Variants in PPP2R3A observed in about 807,000 individuals in gnomAD.
The protein encoded by PPP2R3A is protein phosphatase 2 regulatory subunit B''alpha.
PPP2R3A carries 80 observed loss-of-function variants against 106.9 expected under a neutral mutation model. The ratio of observed to expected loss-of-function variants is 0.75; its 90% CI spans 0.62 to 0.90. PPP2R3A has a LOEUF of 0.90. Among genes scored for constraint, PPP2R3A ranks in the 40% least tolerant of loss-of-function variants. PPP2R3A has a pLI of 0.00. For synonymous variants in PPP2R3A, 483 were observed against 468.3 expected (o/e 1.03, Z -0.41); for missense variants, 1,386 against 1,350.4 (o/e 1.03, Z -0.41).
intron 1 of PPP2R3A, among the ~76,000 whole-genome samples, chr3:135,992,672 C>T (rs1338462007): frequency 1.3e-5 from 2 of 152,148 alleles, no homozygotes; most frequent in East Asian, 3.8e-4. Context: ...AATTCAGCTT[C>T]AGGCATGGAT....
intron 5 of PPP2R3A, among the ~76,000 whole-genome samples, chr3:136,063,141 G>A (rs1172953276): frequency 1.3e-5 from 2 of 152,104 alleles, no homozygotes; most frequent in Admixed American, 6.5e-5. Context: ...TCTGATCTTT[G>A]ACAAACTTGA....
intron 13 of PPP2R3A, among the ~76,000 whole-genome samples, chr3:136,113,355 GT>G: frequency 6.6e-6 from 1 of 152,216 alleles, no homozygotes; most frequent in South Asian, 2.1e-4. Flanking sequence ...ACAACCACCT[GT>G]TTTTTGACAA....
At chr3:135,983,101 A>G (rs991574925) in intron 1 of PPP2R3A, among the ~76,000 whole-genome samples, 1 of 152,200 alleles carries the variant, frequency 6.6e-6, no homozygotes. Context: ...TTCCAAAGCC[A>G]TATCCAGGGC....
intron 13 of PPP2R3A, among the ~76,000 whole-genome samples, chr3:136,112,189 A>G (rs1282177039): frequency 1.3e-5 from 2 of 152,160 alleles, no homozygotes; most frequent in African/African-American, 4.8e-5. Flanking sequence ...CAGCGTCACA[A>G]TGAATGGGCA....
rs187815576 is a variant in PPP2R3A at position 136,003,650 on chromosome 3, G to A, written c.1995+157G>A. On this transcript the variant is annotated intron_variant, in intron 2 of 13. Coordinates refer to ENST00000264977, the MANE Select transcript of PPP2R3A (RefSeq NM_002718.5). ...TCACTCAGCTCAGAGTCAGTAAAAA[G>A]CAAAGATTATACAAGATGATAGAGG... is the stretch of plus-strand genomic sequence containing the variant. Among the ~76,000 whole-genome samples the A allele has an allele frequency of 7.7e-3, 1,169 of 151,580 alleles. 5 individuals are homozygous for A. Among genetic ancestry groups the A allele is most frequent in the Non-Finnish European group, 0.013 (878 of 67,836 alleles).
At chr3:136,064,934 A>G (rs1341516733) in intron 5 of PPP2R3A, among the ~76,000 whole-genome samples, 1 of 152,334 alleles carries the variant, frequency 6.6e-6, no homozygotes, top group Non-Finnish European at 1.5e-5. Flanking sequence ...TCTATAGAAA[A>G]TTTTATTGTG....
At chr3:136,048,509 T>C (rs1935553864) in intron 4 of PPP2R3A, among the ~76,000 whole-genome samples, 1 of 152,060 alleles carries the variant, frequency 6.6e-6, no homozygotes, top group Non-Finnish European at 1.5e-5. Context: ...CCGTCTCTAC[T>C]AAAAATACAA....
rs764953357 is a variant in PPP2R3A, at chr3:136,002,452, A to G, written c.954A>G (p.Gln318=). The G allele has an allele frequency of 3.7e-6, 6 of 1,613,952 alleles. No homozygotes were observed. The highest frequency in any genetic ancestry group is 1.1e-5 in the South Asian group (1 of 91,084). ...TELISNMPSL[Q]LTPFSPVFGT... ...TGATCAGTAATATGCCTAGCTTACA[A>G]CTGACTCCCTTCTCCCCAGTGTTTG... The change falls in exon 2 of 14, where the codon CAA becomes CAG. Residue 318 remains glutamine, a synonymous_variant. Transcript: ENST00000264977.
intron 7 of PPP2R3A, among the ~76,000 whole-genome samples, chr3:136,080,144 C>A (rs1048644198): frequency 3.9e-5 from 6 of 152,126 alleles, no homozygotes; most frequent in Non-Finnish European, 8.8e-5. Flanking sequence ...TCATACTATT[C>A]TCTTAACTTG....
chr3:136,115,346 A>G (rs1347150964), intron 13 of PPP2R3A, among the ~76,000 whole-genome samples: 1 of 152,126 alleles, frequency 6.6e-6, no homozygotes, highest in African/African-American at 2.4e-5. Flanking sequence ...CTTCTCCTCC[A>G]AAGGATCACA....
At chr3:136,025,971 G>C (rs1332419687) in intron 2 of PPP2R3A, among the ~76,000 whole-genome samples, 1 of 152,060 alleles carries the variant, frequency 6.6e-6, no homozygotes, top group Non-Finnish European at 1.5e-5. Context: ...CTGAATAATG[G>C]TGTACCTCCC....
chr3:135,971,282 A>C (rs1371520486), intron 1 of PPP2R3A, among the ~76,000 whole-genome samples: 1 of 152,152 alleles, frequency 6.6e-6, no homozygotes, highest in East Asian at 1.9e-4. Context: ...AGAAGAAAGC[A>C]CTGAGCAAAC....
At position 136,031,717 on chromosome 3, in the gene PPP2R3A, A is replaced by G. The variant is rs992629169; in HGVS notation, c.2262+4619A>G. Among the ~76,000 whole-genome samples, 5 of 152,162 alleles carry G rather than the reference A, an allele frequency of 3.3e-5. No homozygotes were observed. In the East Asian group the frequency reaches 7.7e-4, roughly 23 times the overall value. On this transcript the variant is annotated intron_variant, in intron 3 of 13. Transcript: ENST00000264977. Reference sequence around the variant, plus strand: ...ACGAGGATCAGTTTCATTCTCCTACATGTGACTAGCCAATTATCCCAGCAC... The same window carrying G: ...ACGAGGATCAGTTTCATTCTCCTACGTGTGACTAGCCAATTATCCCAGCAC...
At chr3:136,051,264 A>G (rs1935676055) in intron 5 of PPP2R3A, among the ~76,000 whole-genome samples, 1 of 152,234 alleles carries the variant, frequency 6.6e-6, no homozygotes, top group Non-Finnish European at 1.5e-5. Context: ...TACCTAAAGA[A>G]GGGCATAAAA....
At chr3:136,131,463 A>G (rs899101390) in intron 13 of PPP2R3A, among the ~76,000 whole-genome samples, 1 of 152,248 alleles carries the variant, frequency 6.6e-6, no homozygotes, top group Non-Finnish European at 1.5e-5. Flanking sequence ...CCACAATGAG[A>G]TATCATCTCA....
intron 9 of PPP2R3A, among the ~76,000 whole-genome samples, chr3:136,089,999 C>T (rs902333548): frequency 3.3e-5 from 5 of 152,184 alleles, no homozygotes; most frequent in African/African-American, 4.8e-5. Flanking sequence ...GTTCTGAAAG[C>T]GTTTTGGCTT....
chr3:136,091,552 G>C (rs993623568), intron 10 of PPP2R3A, among the ~76,000 whole-genome samples: 3 of 152,180 alleles, frequency 2.0e-5, no homozygotes, highest in African/African-American at 4.8e-5. Context: ...AGGAGTTTGA[G>C]GCTGTAGTGA....
intron 1 of PPP2R3A, among the ~76,000 whole-genome samples, chr3:135,976,401 C>G (rs533088099): frequency 2.1e-4 from 32 of 152,312 alleles, no homozygotes; most frequent in African/African-American, 7.5e-4. Flanking sequence ...AAGGCTGGCT[C>G]TCTTGAGCAT....
intron 6 of PPP2R3A, among the ~76,000 whole-genome samples, chr3:136,071,560 C>T (rs1414918354): frequency 6.6e-6 from 1 of 152,178 alleles, no homozygotes; most frequent in Non-Finnish European, 1.5e-5. Context: ...TGATATCAAA[C>T]TTGGTTTATT....
Sources: gnomAD v4.1 joint callset for allele counts (sites outside exome capture counted in the v4.1 genomes callset) on GRCh38, gnomAD v4.1.1 for gene constraint, MANE v1.5 for transcripts, NCBI Gene and HGNC (gene_info 2026-07-23, HGNC 2026-07-21) for gene names.